LAMA1: variants seen among roughly 807,000 people sequenced by gnomAD.
The protein encoded by LAMA1 is laminin subunit alpha 1, also known as laminin subunit alpha-1.
In LAMA1, 219 loss-of-function variants were observed where a neutral mutation model predicts 348.7. That is an observed-to-expected ratio of 0.63 (90% confidence interval 0.56 to 0.70). The LOEUF is 0.70. Ranked by LOEUF, LAMA1 falls within the 30% of genes least tolerant of loss-of-function variation. The probability of loss-of-function intolerance (pLI) is 0.00; values close to 1 mark genes in which losing one functional copy is unlikely to be tolerated. For missense variants in LAMA1, 3,744 were observed against 3,888.0 expected (o/e 0.96, Z 0.99); for synonymous variants, 1,487 against 1,491.0 (o/e 1.00, Z 0.06).
rs1287975715 is a variant in LAMA1, at chr18:7,037,572, A to G, written c.1737+6T>C. ...GAGACATCGCTACCTGCAGGGTCAC[A>G]CGCACCTTATTTCCAAGGTAGGCCT... is the stretch of plus-strand genomic sequence containing the variant. On this transcript the variant is annotated splice_donor_region_variant and intron_variant, in intron 12 of 62. Coordinates refer to ENST00000389658, the MANE Select transcript of LAMA1 (RefSeq NM_005559.4). The G allele has an allele frequency of 6.2e-7, 1 of 1,613,844 alleles. No homozygotes were observed. Among genetic ancestry groups the G allele is most frequent in the Non-Finnish European group, 8.5e-7 (1 of 1,179,976 alleles).
intron 5 of LAMA1, among the ~76,000 whole-genome samples, chr18:7,046,877 A>G (rs2058043699): frequency 6.6e-6 from 1 of 152,114 alleles, no homozygotes; most frequent in African/African-American, 2.4e-5. Context: ...TCCATTGTTC[A>G]TTGCTAGTGA....
At position 7,013,797 on chromosome 18, in the gene LAMA1, A is replaced by G; in HGVS notation, c.3363+18T>C. On this transcript the variant is annotated intron_variant, in intron 23 of 62. Coordinates refer to ENST00000389658, the MANE Select transcript of LAMA1 (RefSeq NM_005559.4). ...GGAGCCAGAGACAGGATGAAAGAGG[A>G]GGATGGATGGTAAATACCTTGCAAG... 6.2e-7 allele frequency: 1 copy of G among 1,607,794 alleles called. No individual in the cohort carries two copies. The highest frequency in any genetic ancestry group is 1.3e-5 in the African/African-American group (1 of 74,922).
intron 12 of LAMA1, among the ~76,000 whole-genome samples, chr18:7,037,257 C>T (rs1228699225): frequency 6.6e-6 from 1 of 152,070 alleles, no homozygotes; most frequent in Non-Finnish European, 1.5e-5. Flanking sequence ...CTAAACAAAG[C>T]GGGAATGTGA....
chr18:7,079,439 AT>A (rs2058183934), intron 3 of LAMA1: 1 of 171,852 alleles, frequency 5.8e-6, no homozygotes, highest in South Asian at 1.5e-4. Flanking sequence ...CTCCCCACTC[AT>A]GCTGAAGGCA....
At chr18:7,079,892 G>A in intron 3 of LAMA1, 83 bp downstream of exon 3, 2 of 983,164 alleles carry the variant, frequency 2.0e-6, no homozygotes, top group Non-Finnish European at 3.3e-6. Context: ...TGTTCAGAAA[G>A]AAGCCAGACT....
chr18:7,067,648 G>A (rs1280873423), intron 3 of LAMA1, among the ~76,000 whole-genome samples: 4 of 152,160 alleles, frequency 2.6e-5, no homozygotes, highest in South Asian at 2.1e-4. Flanking sequence ...CTATACACTC[G>A]AGATTTGTGC....
At chr18:7,043,428 T>C in intron 7 of LAMA1, 23 bp from the exon 8 acceptor site, 1 of 1,596,062 alleles carries the variant, frequency 6.3e-7, no homozygotes, top group Non-Finnish European at 8.6e-7. Flanking sequence ...TTTTAACATC[T>C]CAATTAATTT....
intron 1 of LAMA1, among the ~76,000 whole-genome samples, chr18:7,093,058 C>T (rs2058245946): frequency 6.6e-6 from 1 of 152,168 alleles, no homozygotes; most frequent in South Asian, 2.1e-4. Flanking sequence ...CTGGGTTTTC[C>T]ATGCTGTGTA....
chr18:7,011,920 C>T, intron 24 of LAMA1, 75 bp downstream of exon 24: 2 of 1,512,378 alleles, frequency 1.3e-6, no homozygotes, highest in African/African-American at 1.4e-5. Context: ...GAACACTTGG[C>T]TGTGTTTCCC....
chr18:6,995,969 G>A (rs2057779364), intron 33 of LAMA1, among the ~76,000 whole-genome samples: 1 of 151,908 alleles, frequency 6.6e-6, no homozygotes, highest in Non-Finnish European at 1.5e-5. Context: ...TAAAGAAAAC[G>A]GACAAGTGGT....
intron 1 of LAMA1, among the ~76,000 whole-genome samples, chr18:7,104,901 T>G (rs2058305906): frequency 6.6e-6 from 1 of 152,148 alleles, no homozygotes; most frequent in Non-Finnish European, 1.5e-5. Context: ...CTCTGCTCGG[T>G]TGGGTTCAGT....
At chr18:7,085,413 CTTTT>C (rs36122063) in intron 1 of LAMA1, among the ~76,000 whole-genome samples, 1 of 85,270 alleles carries the variant, frequency 1.2e-5, no homozygotes, top group Non-Finnish European at 2.0e-5. Context: ...TCTTCTTCTT[CTTTT>C]TTTTTTTTTT....
At chr18:7,060,504 T>G (rs1288085510) in intron 3 of LAMA1, among the ~76,000 whole-genome samples, 1 of 152,150 alleles carries the variant, frequency 6.6e-6, no homozygotes, top group Non-Finnish European at 1.5e-5. Context: ...AGTGATAAAT[T>G]TAGATCAAGC....
chr18:7,015,887 G>T, intron 21 of LAMA1, 29 bp from the exon 22 acceptor site: 2 of 1,613,742 alleles, frequency 1.2e-6, no homozygotes, highest in Non-Finnish European at 1.7e-6. Context: ...CTGGGTTACA[G>T]ATCTGGGTGA....
chr18:6,980,673 A>G, intron 41 of LAMA1, 36 bp from the exon 42 acceptor site: 3 of 1,421,148 alleles, frequency 2.1e-6, no homozygotes, highest in Non-Finnish European at 3.0e-6. Flanking sequence ...CTTTCAGGTT[A>G]GCCTACAAAA....
chr18:7,003,117 A>C (rs962056702), intron 29 of LAMA1, among the ~76,000 whole-genome samples: 1 of 152,092 alleles, frequency 6.6e-6, no homozygotes, highest in Non-Finnish European at 1.5e-5. Context: ...TCCTGGCCTC[A>C]GGTGATCCTC....
intron 19 of LAMA1, among the ~76,000 whole-genome samples, chr18:7,022,588 A>G (rs2057922828): frequency 1.3e-5 from 2 of 152,186 alleles, no homozygotes; most frequent in Non-Finnish European, 1.5e-5. Context: ...TCAAAATCTG[A>G]GGGCTGAATC....
At chr18:7,095,554 C>A (rs939624971) in intron 1 of LAMA1, among the ~76,000 whole-genome samples, 1 of 152,338 alleles carries the variant, frequency 6.6e-6, no homozygotes, top group African/African-American at 2.4e-5. Flanking sequence ...AGTTTAAGGG[C>A]CTCATTGGTT....
chr18:7,093,538 C>G (rs111579260), intron 1 of LAMA1, among the ~76,000 whole-genome samples: 2,007 of 152,224 alleles, frequency 0.013, 47 homozygotes, highest in African/African-American at 0.04. Flanking sequence ...CCCCCAAAAT[C>G]CACCTGCAAG....
Sources: allele counts gnomAD v4.1 joint callset (sites outside exome capture counted in the v4.1 genomes callset), GRCh38; gene constraint gnomAD v4.1.1; transcripts MANE v1.5; gene names NCBI Gene and HGNC (gene_info 2026-07-23, HGNC 2026-07-21).